The following RIT2 variants were observed in gnomAD, a reference collection of about 807,000 sequenced individuals.
The protein encoded by RIT2 is Ras like without CAAX 2, also known as GTP-binding protein Rit2.
RIT2 carries 24 observed loss-of-function variants against 23.7 expected under a neutral mutation model. The observed-to-expected ratio is 1.01, with a 90% CI of 0.73 to 1.43. The LOEUF (loss-of-function observed/expected upper bound fraction) is 1.43, where lower values mean the gene tolerates loss of function less well. Among genes scored for constraint, RIT2 ranks in the 40% most tolerant of loss-of-function variants. RIT2 has a pLI of 0.00. For synonymous variants in RIT2, 107 were observed against 91.1 expected (o/e 1.17, Z -0.99); for missense variants, 236 against 266.9 (o/e 0.88, Z 0.81).
intron 3 of RIT2, among the ~76,000 whole-genome samples, chr18:42,959,893 C>T (rs368399805): frequency 1.4e-3 from 210 of 152,114 alleles, no homozygotes; most frequent in African/African-American, 4.8e-3. Flanking sequence ...GGAGAAGCCA[C>T]GAGTTGGTAT....
chr18:43,002,557 G>A (rs896935795), intron 2 of RIT2, among the ~76,000 whole-genome samples: 1 of 151,910 alleles, frequency 6.6e-6, no homozygotes, highest in Admixed American at 6.6e-5. Context: ...TTTAAGATGA[G>A]AGGATAACAG....
intron 4 of RIT2, among the ~76,000 whole-genome samples, chr18:42,860,872 T>C (rs1907307958): frequency 6.6e-6 from 1 of 152,154 alleles, no homozygotes; most frequent in African/African-American, 2.4e-5. Flanking sequence ...AGGTTACCCT[T>C]TGTATGAGGG....
At chr18:43,079,051 CA>C (rs1335835107) in intron 1 of RIT2, among the ~76,000 whole-genome samples, 1 of 152,134 alleles carries the variant, frequency 6.6e-6, no homozygotes, top group African/African-American at 2.4e-5. Context: ...GGGCAAACAT[CA>C]AAGATAATTT....
intron 4 of RIT2, among the ~76,000 whole-genome samples, chr18:42,908,847 T>C (rs1234688444): frequency 1.3e-5 from 2 of 152,146 alleles, no homozygotes; most frequent in South Asian, 2.1e-4. Context: ...TTGTTTTAAA[T>C]GGCAAAAACC....
At chr18:42,979,432 G>T (rs1388697653) in intron 2 of RIT2, among the ~76,000 whole-genome samples, 1 of 151,910 alleles carries the variant, frequency 6.6e-6, no homozygotes, top group African/African-American at 2.4e-5. Context: ...TTACAATGAA[G>T]CTATTTTTCT....
At chr18:42,810,888 A>G (rs994778465) in intron 4 of RIT2, among the ~76,000 whole-genome samples, 3 of 152,022 alleles carry the variant, frequency 2.0e-5, no homozygotes, top group African/African-American at 4.8e-5. Flanking sequence ...TCAGCCTCCT[A>G]GCATTGTCTG....
Position 43,115,646 on chromosome 18 carries a change from G to T in RIT2, c.-127C>A. On this transcript the variant is annotated 5_prime_UTR_variant, in exon 1 of 5. Transcript: ENST00000326695. The stretch of plus-strand genomic sequence containing the variant: ...TTAGTACGAGGTAAGAACCATCAGC[G>T]TCGGGCTGGCTGCTGGTCCTCCGCT... The T allele has an allele frequency of 7.4e-7, 1 of 1,342,398 alleles. No individual in the cohort carries two copies. Among genetic ancestry groups the T allele is most frequent in the Non-Finnish European group, 9.7e-7 (1 of 1,026,650 alleles). 83.2% of individuals were successfully genotyped at this position (1,342,398 alleles called of 1,614,324 possible). A position where few individuals can be genotyped will look rare whatever the true frequency, so the allele number is the denominator to read the frequency against.
At chr18:43,042,678 G>A (rs1912156094) in intron 1 of RIT2, among the ~76,000 whole-genome samples, 1 of 152,166 alleles carries the variant, frequency 6.6e-6, no homozygotes, top group African/African-American at 2.4e-5. Flanking sequence ...GTCAGACGCT[G>A]TTTAGATAGT....
chr18:42,883,321 C>A (rs1373139544), intron 4 of RIT2, among the ~76,000 whole-genome samples: 1 of 152,154 alleles, frequency 6.6e-6, no homozygotes, highest in Non-Finnish European at 1.5e-5. Flanking sequence ...TGGACTATTG[C>A]ACAGTGCACA....
chr18:42,831,903 G>A (rs1300120681), intron 4 of RIT2, among the ~76,000 whole-genome samples: 2 of 152,116 alleles, frequency 1.3e-5, no homozygotes, highest in African/African-American at 4.8e-5. Context: ...GCCTGCAATG[G>A]CTGTGACCCT....
chr18:42,906,131 A>C (rs957019436), intron 4 of RIT2, among the ~76,000 whole-genome samples: 1 of 151,188 alleles, frequency 6.6e-6, no homozygotes, highest in African/African-American at 2.4e-5. Flanking sequence ...TTCAATATTG[A>C]ATACCAATTT....
chr18:42,747,920 T>A (rs966993784), intron 4 of RIT2, among the ~76,000 whole-genome samples: 1 of 152,068 alleles, frequency 6.6e-6, no homozygotes, highest in Non-Finnish European at 1.5e-5. Flanking sequence ...ATCTAAGATC[T>A]GAAAACATAA....
chr18:42,805,383 A>G (rs539910462), intron 4 of RIT2, among the ~76,000 whole-genome samples: 2 of 152,164 alleles, frequency 1.3e-5, no homozygotes, highest in African/African-American at 4.8e-5. Flanking sequence ...ATACATGAAG[A>G]CTCTCTGAGC....
At chr18:42,792,231 CCTT>C (rs1244034927) in intron 4 of RIT2, among the ~76,000 whole-genome samples, 1 of 152,114 alleles carries the variant, frequency 6.6e-6, no homozygotes, top group African/African-American at 2.4e-5. Flanking sequence ...TTTTTCCTCT[CCTT>C]AATTCAACTT....
intron 4 of RIT2, among the ~76,000 whole-genome samples, chr18:42,852,934 A>G (rs1199125182): frequency 6.6e-6 from 1 of 151,870 alleles, no homozygotes; most frequent in African/African-American, 2.4e-5. Flanking sequence ...CCCATGGTCA[A>G]GCAATTCTCC....
At chr18:43,034,403 C>G (rs1480191466) in intron 1 of RIT2, among the ~76,000 whole-genome samples, 1 of 151,918 alleles carries the variant, frequency 6.6e-6, no homozygotes, top group Non-Finnish European at 1.5e-5. Context: ...TGTTATCGAC[C>G]ACCTTTTCTT....
At chr18:42,758,977 AC>A (rs1163992560) in intron 4 of RIT2, among the ~76,000 whole-genome samples, 34 of 152,142 alleles carry the variant, frequency 2.2e-4, no homozygotes, top group African/African-American at 7.7e-4. Context: ...CTGGAGCTAT[AC>A]AAATGGCTTT....
chr18:43,019,569 C>G (rs1911550108), intron 2 of RIT2, among the ~76,000 whole-genome samples: 1 of 151,882 alleles, frequency 6.6e-6, no homozygotes, highest in Non-Finnish European at 1.5e-5. Flanking sequence ...GAGAAACTAA[C>G]AGCTAACATC....
In RIT2 at chr18:42,762,245, A is replaced by G. The variant is rs796660278; in HGVS notation, c.427-18525T>C. Reference sequence around the variant, plus strand: ...TCTTCTAATATGGAAAATATAGATCATGTCTTCTATTCATTGTTTTATCAC... The same window carrying G: ...TCTTCTAATATGGAAAATATAGATCGTGTCTTCTATTCATTGTTTTATCAC... On this transcript the variant is annotated intron_variant, in intron 4 of 4. Transcript: ENST00000326695. 3.9e-5 allele frequency among the ~76,000 whole-genome samples: 6 copies of G among 152,150 alleles called. No individual in the cohort carries two copies. The South Asian group carries it at 6.2e-4, about 16-fold the overall frequency.
Sources: gnomAD v4.1 joint callset for allele counts (sites outside exome capture counted in the v4.1 genomes callset) on GRCh38, gnomAD v4.1.1 for gene constraint, MANE v1.5 for transcripts, NCBI Gene and HGNC (gene_info 2026-07-23, HGNC 2026-07-21) for gene names.